Variants in DCAF5 observed in about 807,000 individuals in gnomAD.
DCAF5 encodes the protein DDB1 and CUL4 associated factor 5.
A neutral mutation model predicts 80.7 loss-of-function variants in DCAF5; 9 were observed. That is an observed-to-expected ratio of 0.11 (90% CI 0.07 to 0.19). The LOEUF (loss-of-function observed/expected upper bound fraction) is 0.19, where lower values mean the gene tolerates loss of function less well. Among genes scored for constraint, DCAF5 ranks in the 10% least tolerant of loss-of-function variants. The pLI, the probability that DCAF5 is intolerant of heterozygous loss-of-function variation, is 1.00. For missense variants in DCAF5, 842 were observed against 1,205.7 expected, an observed-to-expected ratio of 0.70 and a Z score of 4.47; for synonymous variants, 433 against 461.9, an observed-to-expected ratio of 0.94 and a Z score of 0.80.
chr14:69,095,655 C>T (rs2039682514), intron 5 of DCAF5, among the ~76,000 whole-genome samples: 1 of 152,126 alleles, frequency 6.6e-6, no homozygotes, highest in African/African-American at 2.4e-5. Flanking sequence ...CCTGGGAACA[C>T]AAGAGAAACA....
chr14:69,116,831 T>C (rs1183570181), intron 4 of DCAF5, among the ~76,000 whole-genome samples: 1 of 152,224 alleles, frequency 6.6e-6, no homozygotes, highest in African/African-American at 2.4e-5. Context: ...CCACATGAGC[T>C]GAAAAAATTC....
At chr14:69,082,499 A>T (rs1055791085) in intron 6 of DCAF5, among the ~76,000 whole-genome samples, 2 of 152,192 alleles carry the variant, frequency 1.3e-5, no homozygotes, top group Non-Finnish European at 2.9e-5. Flanking sequence ...AGCCAATAAC[A>T]GTCAAATAAT....
At chr14:69,099,229 C>G (rs2039858994) in intron 5 of DCAF5, among the ~76,000 whole-genome samples, 1 of 145,430 alleles carries the variant, frequency 6.9e-6, no homozygotes, top group South Asian at 2.2e-4. Context: ...TCCAGCCTGG[C>G]AACAGAGTGG....
In DCAF5 at chr14:69,053,911, T is replaced by A; in HGVS notation, c.2775A>T (p.Glu925Asp). 1 of 1,612,286 alleles carries A rather than the reference T, an allele frequency of 6.2e-7. No homozygotes were observed. Among genetic ancestry groups the A allele is most frequent in the Non-Finnish European group, 8.5e-7 (1 of 1,179,666 alleles). Residue 925 changes from glutamate (E) to aspartate (D), a missense_variant, in exon 9 of 9, where the codon GAA (glutamate) becomes GAT (aspartate). By Grantham distance (45) the Glu-to-Asp change is conservative (BLOSUM62 2). Around this residue, in one of 5 missense-constraint regions of DCAF5, gnomAD observed 607 missense variants for 656.6 expected, o/e 0.92. Transcript: ENST00000341516. ...GHSGLKRQRI[E>D]LEDTDSENSS... is the part of the protein sequence containing the mutation. ...AATTCTCTGAATCTGTATCTTCCAA[T>A]TCAATTCGTTGCCTTTTGAGGCCAC...
chr14:69,053,637 T>G lies in DCAF5; in HGVS notation c.*220A>C. On this transcript the variant is annotated 3_prime_UTR_variant, in exon 9 of 9. Coordinates refer to ENST00000341516, the MANE Select transcript of DCAF5 (RefSeq NM_003861.3). ...CTAGAAAGGAGTCACTTGGGTTATT[T>G]TTTTTTCCCCTTTCTTAACACAGCA... 1 of 493,000 alleles carries G rather than the reference T, an allele frequency of 2.0e-6. No individual in the cohort carries two copies. The highest frequency in any genetic ancestry group is 2.6e-5 in the African/African-American group (1 of 37,936). 30.5% of individuals were successfully genotyped at this position (493,000 alleles called of 1,614,324 possible). A position where few individuals can be genotyped will look rare whatever the true frequency, so the allele number is the denominator to read the frequency against.
intron 1 of DCAF5, among the ~76,000 whole-genome samples, chr14:69,130,169 T>G (rs749889949): frequency 2.0e-5 from 3 of 152,168 alleles, no homozygotes; most frequent in Admixed American, 6.5e-5. Context: ...AGGATTTGCT[T>G]TGGGTTTCCT....
chr14:69,137,183 T>A (rs2041221472), intron 1 of DCAF5, among the ~76,000 whole-genome samples: 1 of 152,132 alleles, frequency 6.6e-6, no homozygotes, highest in African/African-American at 2.4e-5. Flanking sequence ...CATAGTAAAG[T>A]ATGGAATTAG....
chr14:69,150,375 G>A (rs1409960606), intron 1 of DCAF5, among the ~76,000 whole-genome samples: 2 of 152,158 alleles, frequency 1.3e-5, no homozygotes, highest in South Asian at 4.1e-4. Flanking sequence ...AGCCTCCTCT[G>A]TGGAAATGAC....
At chr14:69,072,680 TAAG>T (rs2038745598) in intron 7 of DCAF5, among the ~76,000 whole-genome samples, 1 of 147,110 alleles carries the variant, frequency 6.8e-6, no homozygotes, top group African/African-American at 2.5e-5. Flanking sequence ...GTGGGATCTG[TAAG>T]AATAGTGGCA....
Position 69,152,482 on chromosome 14 carries a change from G to T in DCAF5, c.214+283C>A. On this transcript the variant is annotated intron_variant, in intron 1 of 8. Coordinates refer to ENST00000341516, the MANE Select transcript of DCAF5 (RefSeq NM_003861.3). This position sits in a 1 kb window ranked among gnomAD's most constrained non-coding sequence, Gnocchi z 4.1. Reference sequence around the variant, plus strand: ...GAGCGGTAACCTCGCCCCCCTCCCCGACCTACACTTTCAGGGCAGGCATCA... The same window carrying T: ...GAGCGGTAACCTCGCCCCCCTCCCCTACCTACACTTTCAGGGCAGGCATCA... The T allele has an allele frequency of 3.0e-6, 1 of 336,010 alleles. No individual in the cohort carries two copies. The highest frequency in any genetic ancestry group is 5.3e-5 in the South Asian group (1 of 18,932). 20.8% of individuals were successfully genotyped at this position (336,010 alleles called of 1,614,324 possible).
intron 1 of DCAF5, among the ~76,000 whole-genome samples, chr14:69,125,687 T>C (rs566685491): frequency 6.6e-6 from 1 of 152,176 alleles, no homozygotes; most frequent in East Asian, 1.9e-4. Flanking sequence ...AATGGAAAAA[T>C]TCCACTGGAA....
At chr14:69,101,495 G>C (rs1378414338) in intron 5 of DCAF5, among the ~76,000 whole-genome samples, 1 of 152,208 alleles carries the variant, frequency 6.6e-6, no homozygotes, top group Non-Finnish European at 1.5e-5. Flanking sequence ...ACAGGAGTGG[G>C]AGTAGTCACA....
chr14:69,084,214 G>A (rs2039228572), intron 6 of DCAF5: 1 of 996,586 alleles, frequency 1.0e-6, no homozygotes, highest in Admixed American at 1.7e-5. Context: ...GTCACCACGT[G>A]CATACCTATG....
chr14:69,098,531 G>C (rs1594991825), intron 5 of DCAF5, among the ~76,000 whole-genome samples: 4 of 151,926 alleles, frequency 2.6e-5, no homozygotes, highest in South Asian at 4.2e-4. Context: ...GACAATAATA[G>C]GCATTTGATA....
chr14:69,117,145 C>T (rs1263789897), intron 4 of DCAF5, among the ~76,000 whole-genome samples: 1 of 152,126 alleles, frequency 6.6e-6, no homozygotes, highest in Non-Finnish European at 1.5e-5. Flanking sequence ...TAGAGTAATA[C>T]AAAGAAAGCA....
Position 69,054,944 on chromosome 14 carries a change from G to A in DCAF5, c.1742C>T (p.Thr581Ile). ...GCGCCGCATGGCATTCCGCTGCCAG[G>A]TAGAGGCTCGGCGTTCATTCAGCTC... ...EEELNERRAS[T>I]WQRNAMRRRQ... is the part of the protein sequence containing the mutation. Residue 581 changes from threonine to isoleucine, a missense_variant, in exon 9 of 9, where the codon ACC becomes ATC. Transcript: ENST00000341516. 1 of 1,614,266 alleles carries A rather than the reference G, an allele frequency of 6.2e-7. No homozygotes were observed. Among genetic ancestry groups the A allele is most frequent in the South Asian group, 1.1e-5 (1 of 91,088 alleles).
chr14:69,054,123 C>T lies in DCAF5; in HGVS notation c.2563G>A (p.Glu855Lys), dbSNP rs2037856281. ...CCTGGGGAAGAGTAGGCCACCACCTCCAGCTCCCCCAAGTTCTGCCCGTTA... is the reference window on the plus strand; with the variant it reads ...CCTGGGGAAGAGTAGGCCACCACCTTCAGCTCCCCCAAGTTCTGCCCGTTA... Reference protein sequence around the residue: ...HNNGQNLGELEVVAYSSPGHS... With the variant: ...HNNGQNLGELKVVAYSSPGHS... Residue 855 changes from glutamate to lysine, a missense_variant, in exon 9 of 9, where the codon GAG becomes AAG. By Grantham distance (56) the Glu-to-Lys change is moderately conservative. Coordinates refer to ENST00000341516, the MANE Select transcript of DCAF5 (RefSeq NM_003861.3). 1 of 1,614,106 alleles carries T rather than the reference C, an allele frequency of 6.2e-7. No individual in the cohort carries two copies. The highest frequency in any genetic ancestry group is 1.1e-5 in the South Asian group (1 of 91,092).
chr14:69,120,511 GAT>G (rs1218344973), intron 2 of DCAF5, among the ~76,000 whole-genome samples: 4 of 152,094 alleles, frequency 2.6e-5, no homozygotes, highest in Admixed American at 6.6e-5. Context: ...TTATATTCAT[GAT>G]ATGTGTAGTC....
At chr14:69,066,275 C>T (rs1437164377) in intron 7 of DCAF5, among the ~76,000 whole-genome samples, 1 of 152,002 alleles carries the variant, frequency 6.6e-6, no homozygotes, top group Non-Finnish European at 1.5e-5. Context: ...GCTGGGATTA[C>T]AGGCGCACAC....
Sources: gnomAD v4.1 joint callset for allele counts (sites outside exome capture counted in the v4.1 genomes callset) on GRCh38, gnomAD v4.1.1 for gene constraint, gnomAD v4.1.1 regional missense constraint, Gnocchi (gnomAD v3.1) non-coding constraint, MANE v1.5 for transcripts, NCBI Gene and HGNC (gene_info 2026-07-23, HGNC 2026-07-21) for gene names.